The following HERC1 variants were observed in gnomAD, a reference collection of about 807,000 sequenced individuals.
HERC1 encodes the protein HECT and RLD domain containing E3 ubiquitin protein ligase family member 1.
Under a neutral mutation model 554.3 loss-of-function variants are expected in HERC1, and 160 were observed. That is an observed-to-expected ratio of 0.29 (90% CI 0.25 to 0.33). HERC1 has a LOEUF of 0.33. Among genes scored for constraint, HERC1 ranks in the 10% least tolerant of loss-of-function variants. HERC1 has a pLI of 1.00. For missense variants in HERC1, 4,919 were observed against 5,918.5 expected (o/e 0.83, Z 5.54); for synonymous variants, 2,175 against 2,131.7 (o/e 1.02, Z -0.56).
rs1458336069 is a variant in HERC1 at position 63,734,160 on chromosome 15, C to CT, written c.2646+563dup. Among the ~76,000 whole-genome samples, 1 of 152,070 alleles carries CT rather than the reference C, an allele frequency of 6.6e-6. No individual in the cohort carries two copies. Among genetic ancestry groups the CT allele is most frequent in the African/African-American group, 2.4e-5 (1 of 41,398 alleles). ...CCAGCGTGGATGACAGAGCAAGACT[C>CT]TGTCTCCAAAAAAAGATTTAAAAAG... On this transcript the variant is annotated intron_variant, in intron 13 of 77. Coordinates refer to ENST00000443617, the MANE Select transcript of HERC1 (RefSeq NM_003922.4). The surrounding 1 kb of genome is among the most constrained non-coding windows in gnomAD (Gnocchi z 4.6).
intron 58 of HERC1, 107 bp downstream of exon 58, chr15:63,643,297 A>C: frequency 1.0e-6 from 1 of 1,000,374 alleles, no homozygotes; most frequent in Non-Finnish European, 1.5e-6. Flanking sequence ...CTCAGTATTC[A>C]AGAGATTACT....
chr15:63,803,306 C>T (rs2077046240), intron 1 of HERC1, among the ~76,000 whole-genome samples: 1 of 152,214 alleles, frequency 6.6e-6, no homozygotes, highest in African/African-American at 2.4e-5. Flanking sequence ...CCCAAGGTCA[C>T]AACTGCCAGT....
At chr15:63,783,021 A>G (rs2076331195) in intron 1 of HERC1, among the ~76,000 whole-genome samples, 1 of 152,250 alleles carries the variant, frequency 6.6e-6, no homozygotes, top group Non-Finnish European at 1.5e-5. Context: ...AAAGTAGTTT[A>G]TTGAAATGAA....
chr15:63,763,745 A>G, intron 3 of HERC1, among the ~76,000 whole-genome samples: 1 of 152,168 alleles, frequency 6.6e-6, no homozygotes. Context: ...AATGACTAAG[A>G]AAATTCTTTA....
rs1158746145 is a variant in HERC1, at chr15:63,752,953, C to T, written c.1902+5G>A. 3.1e-6 allele frequency: 5 copies of T among 1,612,794 alleles called. No individual in the cohort carries two copies. The highest frequency in any genetic ancestry group is 4.2e-6 in the Non-Finnish European group (5 of 1,179,306). On this transcript the variant is annotated splice_donor_5th_base_variant and intron_variant, in intron 8 of 77. Coordinates refer to ENST00000443617, the MANE Select transcript of HERC1 (RefSeq NM_003922.4). ...AAGTCTTTTATACTCATCCCTTAGTCCTACCTGCCCTGTTGATGTCAAAGC... is the reference window on the plus strand; with the variant it reads ...AAGTCTTTTATACTCATCCCTTAGTTCTACCTGCCCTGTTGATGTCAAAGC...
At chr15:63,639,763 A>C (rs977951409) in intron 61 of HERC1, among the ~76,000 whole-genome samples, 1 of 152,244 alleles carries the variant, frequency 6.6e-6, no homozygotes, top group Non-Finnish European at 1.5e-5. Context: ...TTTGATGCTA[A>C]TTAAAGACAT....
Position 63,775,594 on chromosome 15 carries a change from C to T in HERC1, c.30G>A (p.Leu10=). 1 of 1,605,108 alleles carries T rather than the reference C, an allele frequency of 6.2e-7. No individual in the cohort carries two copies. Among genetic ancestry groups the T allele is most frequent in the East Asian group, 2.2e-5 (1 of 44,870 alleles). ...AGCTGTTCAAGTGTTCAAGCCATTT[C>T]AGCTTCACTGGTGGAATCATAGTTG... MATMIPPVK[L]KWLEHLNSSW... Residue 10 remains leucine (L), a synonymous_variant, in exon 2 of 78, where the codon CTG becomes CTA. Coordinates refer to ENST00000443617, the MANE Select transcript of HERC1 (RefSeq NM_003922.4). This position sits in a 1 kb window ranked among gnomAD's most constrained non-coding sequence, Gnocchi z 4.0.
chr15:63,676,330 G>T (rs1408713857), intron 37 of HERC1, among the ~76,000 whole-genome samples: 1 of 152,134 alleles, frequency 6.6e-6, no homozygotes, highest in Non-Finnish European at 1.5e-5. Flanking sequence ...AGAATGGAGG[G>T]GAAGGCAGAG....
intron 1 of HERC1, among the ~76,000 whole-genome samples, chr15:63,807,403 G>C (rs778310810): frequency 2.0e-5 from 3 of 152,064 alleles, no homozygotes; most frequent in South Asian, 2.1e-4. Context: ...TTTCCTCTAG[G>C]GCTACAGGTC....
chr15:63,626,706 G>T (rs1268123446), intron 70 of HERC1, among the ~76,000 whole-genome samples: 1 of 152,188 alleles, frequency 6.6e-6, no homozygotes, highest in African/African-American at 2.4e-5. Context: ...AAGGCCTGCA[G>T]CCACAGCTAC....
At position 63,666,065 on chromosome 15, in the gene HERC1, C is replaced by T. The variant is rs2070618812; in HGVS notation, c.8409G>A (p.Glu2803=). The T allele has an allele frequency of 6.2e-7, 1 of 1,613,998 alleles. No individual in the cohort carries two copies. The highest frequency in any genetic ancestry group is 8.5e-7 in the Non-Finnish European group (1 of 1,179,876). Residue 2803 remains glutamate (E), a synonymous_variant, in exon 42 of 78, where the codon GAG becomes GAA. Transcript: ENST00000443617. ...IEHPGHEDEE[E]PQSGSTADSR... ...AGTCTGCTGTGCTGCCCGACTGGGG[C>T]TCCTCTTCATCCTCATGCCCAGGGT... is the stretch of plus-strand genomic sequence containing the variant.
chr15:63,616,000 G>T, intron 75 of HERC1, 80 bp from the exon 76 acceptor site: 3 of 1,194,430 alleles, frequency 2.5e-6, no homozygotes, highest in Non-Finnish European at 3.5e-6. Context: ...ATACGGCACA[G>T]CAATAACAAA....
chr15:63,694,386 C>A lies in HERC1; in HGVS notation c.5406G>T (p.Thr1802=), dbSNP rs776755725. Residue 1802 remains threonine, a synonymous_variant, in exon 29 of 78, where the codon ACG becomes ACT. Transcript: ENST00000443617. The surrounding 1 kb of genome is among the most constrained non-coding windows in gnomAD (Gnocchi z 4.3). ...LGQPLQLLPK[T]GVSQLSTALK... ...AAGCTGTGCTAAGCTGGGAAACACC[C>A]GTCTTTGGCAACAACTGCAGGGGCT... is the stretch of plus-strand genomic sequence containing the variant. 3 of 1,613,908 alleles carry A rather than the reference C, an allele frequency of 1.9e-6. No homozygotes were observed. In the East Asian group the frequency reaches 6.7e-5, roughly 36 times the overall value.
intron 2 of HERC1, among the ~76,000 whole-genome samples, chr15:63,767,722 A>G (rs1002027915): frequency 4.6e-5 from 7 of 152,094 alleles, no homozygotes; most frequent in Non-Finnish European, 1.0e-4. Context: ...AACAGCAAAT[A>G]TCTTGCTACC....
chr15:63,722,868 C>G (rs998879767), intron 19 of HERC1, among the ~76,000 whole-genome samples: 2 of 152,114 alleles, frequency 1.3e-5, no homozygotes, highest in African/African-American at 4.8e-5. Context: ...TTCAAGCAAT[C>G]TACTGGGAGT....
intron 75 of HERC1, 42 bp downstream of exon 75, chr15:63,616,388 G>GTCT: frequency 6.3e-7 from 1 of 1,586,816 alleles, no homozygotes; most frequent in South Asian, 1.1e-5. Flanking sequence ...TGTGCATATA[G>GTCT]GACGTCAACA....
chr15:63,777,530 C>T (rs976510359), intron 1 of HERC1, among the ~76,000 whole-genome samples: 2 of 152,194 alleles, frequency 1.3e-5, no homozygotes, highest in African/African-American at 2.4e-5. Flanking sequence ...TAAATCTGAA[C>T]ATCTTATGTT....
At position 63,767,445 on chromosome 15, in the gene HERC1, T is replaced by TC. The variant is rs1282671154; in HGVS notation, c.931-3255dup. Among the ~76,000 whole-genome samples the TC allele has an allele frequency of 9.2e-5, 14 of 151,498 alleles. No individual in the cohort carries two copies. The East Asian group carries it at 2.8e-3, about 30-fold the overall frequency. On this transcript the variant is annotated intron_variant, in intron 2 of 77. Transcript: ENST00000443617. ...TACTTTTAAATAAAAACAGCAAATA[T>TC]CCCCAGCACTTTGGGAGGCCAAGGC... is the stretch of plus-strand genomic sequence containing the variant.
Position 63,747,697 on chromosome 15 carries a change from A to C in HERC1, c.2354+27T>G, listed in dbSNP as rs760797030. ...ACACGCGCGCGCACACACACACACA[A>C]AGATACAAAACATACATATAACATA... On this transcript the variant is annotated intron_variant, in intron 11 of 77. Coordinates refer to ENST00000443617, the MANE Select transcript of HERC1 (RefSeq NM_003922.4). The C allele has an allele frequency of 4.9e-6, 7 of 1,425,522 alleles. No homozygotes were observed. In the African/African-American group the frequency reaches 7.1e-5, roughly 14 times the overall value. 88.3% of individuals were successfully genotyped at this position (1,425,522 alleles called of 1,614,324 possible). A position where few individuals can be genotyped will look rare whatever the true frequency, so the allele number is the denominator to read the frequency against.
Sources: gnomAD v4.1 joint callset for allele counts (sites outside exome capture counted in the v4.1 genomes callset) on GRCh38, gnomAD v4.1.1 for gene constraint, Gnocchi (gnomAD v3.1) non-coding constraint, MANE v1.5 for transcripts, NCBI Gene and HGNC (gene_info 2026-07-23, HGNC 2026-07-21) for gene names.